The following ATXN1 variants were observed in gnomAD, a reference collection of about 807,000 sequenced individuals.
ATXN1 encodes the protein ataxin 1.
In ATXN1, 8 loss-of-function variants were observed where a neutral mutation model predicts 56.4. That is an observed-to-expected ratio of 0.14 (90% confidence interval 0.08 to 0.26). ATXN1 has a LOEUF of 0.26. ATXN1 is among the 10% of genes least tolerant of loss of function. ATXN1 has a pLI of 1.00. For synonymous variants in ATXN1, 514 were observed against 494.6 expected, an observed-to-expected ratio of 1.04 and a Z score of -0.52; for missense variants, 987 against 1,106.5, an observed-to-expected ratio of 0.89 and a Z score of 1.53.
intron 7 of ATXN1, among the ~76,000 whole-genome samples, chr6:16,319,291 G>C (rs1387603780): frequency 6.6e-6 from 1 of 152,118 alleles, no homozygotes; most frequent in East Asian, 1.9e-4. Context: ...AGAGCAACAA[G>C]AAGACATGGA....
intron 6 of ATXN1, among the ~76,000 whole-genome samples, chr6:16,343,610 C>T (rs1017762498): frequency 6.6e-6 from 1 of 152,188 alleles, no homozygotes; most frequent in South Asian, 2.1e-4. Flanking sequence ...ACTGCTCTAT[C>T]ATGTCATTGC....
At chr6:16,340,586 T>C (rs1314851456) in intron 6 of ATXN1, among the ~76,000 whole-genome samples, 1 of 152,204 alleles carries the variant, frequency 6.6e-6, no homozygotes, top group Non-Finnish European at 1.5e-5. Context: ...TGAGTCCTTT[T>C]ACTGAATTAT....
At chr6:16,490,148 A>C (rs1057246086) in intron 5 of ATXN1, among the ~76,000 whole-genome samples, 16 of 151,938 alleles carry the variant, frequency 1.1e-4, no homozygotes, top group African/African-American at 2.7e-4. Flanking sequence ...AAAAAAAAAA[A>C]AAACCAAAAA....
At position 16,691,684 on chromosome 6, in the gene ATXN1, A is replaced by C. The variant is rs546664843; in HGVS notation, c.-614-33783T>G. ...AGAAGATACTCTGAACAGATAAATA[A>C]GAAAAAAGCAAATGTAGTTGAAATA... is the stretch of plus-strand genomic sequence containing the variant. On this transcript the variant is annotated intron_variant, in intron 2 of 7. Coordinates refer to ENST00000436367, the MANE Select transcript of ATXN1 (RefSeq NM_001128164.2). 5.9e-5 allele frequency among the ~76,000 whole-genome samples: 9 copies of C among 152,356 alleles called. No individual in the cohort carries two copies. The East Asian group carries it at 1.5e-3, about 26-fold the overall frequency.
At chr6:16,417,751 T>A (rs1758943968) in intron 6 of ATXN1, among the ~76,000 whole-genome samples, 1 of 152,130 alleles carries the variant, frequency 6.6e-6, no homozygotes, top group Non-Finnish European at 1.5e-5. Context: ...ACTTTTTTTT[T>A]AATGGCCTAA....
At chr6:16,363,649 G>A (rs1032476818) in intron 6 of ATXN1, among the ~76,000 whole-genome samples, 8 of 152,182 alleles carry the variant, frequency 5.3e-5, no homozygotes, top group African/African-American at 1.9e-4. Flanking sequence ...GAGGGGGCAT[G>A]GCTCCCACCC....
chr6:16,442,540 T>C (rs1011568315), intron 6 of ATXN1, among the ~76,000 whole-genome samples: 1 of 151,988 alleles, frequency 6.6e-6, no homozygotes, highest in African/African-American at 2.4e-5. Context: ...CTCACTAACA[T>C]AGATGTTAAG....
chr6:16,345,389 TC>T (rs890240096), intron 6 of ATXN1, among the ~76,000 whole-genome samples: 5 of 152,198 alleles, frequency 3.3e-5, no homozygotes, highest in Admixed American at 3.3e-4. Flanking sequence ...AGGCTCAATC[TC>T]AAGGAAACAC....
chr6:16,549,774 G>A lies in ATXN1; in HGVS notation c.-360-27086C>T, dbSNP rs1459599555. 4.0e-5 allele frequency among the ~76,000 whole-genome samples: 6 copies of A among 151,608 alleles called. No individual in the cohort carries two copies. The South Asian group carries it at 1.0e-3, about 26-fold the overall frequency. The stretch of plus-strand genomic sequence containing the variant: ...TAGCAGGGCATGGAGGTGCATGCCC[G>A]TAATCCCAGCTACTCAGGAGGCTCA... On this transcript the variant is annotated intron_variant, in intron 4 of 7. Coordinates refer to ENST00000436367, the MANE Select transcript of ATXN1 (RefSeq NM_001128164.2).
rs1760903675 is a variant in ATXN1, at chr6:16,328,544, G to A, written c.-160-74C>T. On this transcript the variant is annotated intron_variant, in intron 6 of 7. Transcript: ENST00000436367. The surrounding 1 kb of genome is among the most constrained non-coding windows in gnomAD (Gnocchi z 6.2). The stretch of plus-strand genomic sequence containing the variant: ...AAAGGGAAGGAGGGAAAGGACATCA[G>A]AACATGAGCACCGGGGAAAGAACAT... The A allele has an allele frequency of 3.1e-6, 2 of 639,384 alleles. No individual in the cohort carries two copies. The highest frequency in any genetic ancestry group is 4.6e-6 in the Non-Finnish European group (2 of 437,430). 39.6% of individuals were successfully genotyped at this position (639,384 alleles called of 1,614,324 possible).
chr6:16,482,325 G>A (rs928800271), intron 6 of ATXN1, among the ~76,000 whole-genome samples: 1 of 152,186 alleles, frequency 6.6e-6, no homozygotes, highest in African/African-American at 2.4e-5. Context: ...ATGAGAATAA[G>A]GATAAGAATA....
chr6:16,727,464 T>C (rs1759874957), intron 2 of ATXN1, among the ~76,000 whole-genome samples: 1 of 152,006 alleles, frequency 6.6e-6, no homozygotes, highest in African/African-American at 2.4e-5. Flanking sequence ...AGAAAACAAG[T>C]CCAAATTACA....
chr6:16,593,983 T>C (rs192244048), intron 3 of ATXN1, among the ~76,000 whole-genome samples: 128 of 148,642 alleles, frequency 8.6e-4, no homozygotes, highest in Admixed American at 1.8e-3. Context: ...AATTATTATA[T>C]ATTAGACTAA....
At chr6:16,670,144 C>T (rs1225995745) in intron 2 of ATXN1, among the ~76,000 whole-genome samples, 2 of 152,164 alleles carry the variant, frequency 1.3e-5, no homozygotes, top group East Asian at 1.9e-4. Context: ...TCTGCCTTCC[C>T]CCTTATTCCA....
intron 6 of ATXN1, among the ~76,000 whole-genome samples, chr6:16,360,584 GAAGT>G (rs1761787858): frequency 1.3e-5 from 2 of 152,160 alleles, no homozygotes; most frequent in South Asian, 4.1e-4. Context: ...CAATTTAAGA[GAAGT>G]AAGCCTCTTG....
At position 16,327,563 on chromosome 6, in the gene ATXN1, T is replaced by C; in HGVS notation, c.748A>G (p.Ile250Val). ...CCGGTGTTCTGCGGAGAACTGGAAATGTGGACGTACTGGTTCTGCTGGGCT... is the reference window on the plus strand; with the variant it reads ...CCGGTGTTCTGCGGAGAACTGGAAACGTGGACGTACTGGTTCTGCTGGGCT... The part of the protein sequence containing the change: ...PPAQQNQYVH[I>V]SSSPQNTGRT... The change falls in exon 7 of 8, where the codon ATT becomes GTT. Residue 250 changes from isoleucine (I) to valine (V), a missense_variant. Ile to Val is a conservative substitution (Grantham distance 29, BLOSUM62 3). Around this residue, in one of 3 missense-constraint regions of ATXN1, gnomAD observed 723 missense variants for 791.7 expected, o/e 0.91. Transcript: ENST00000436367. 6.2e-7 allele frequency: 1 copy of C among 1,604,434 alleles called. No homozygotes were observed. The highest frequency in any genetic ancestry group is 8.5e-7 in the Non-Finnish European group (1 of 1,176,180).
At chr6:16,709,087 A>C (rs1759472087) in intron 2 of ATXN1, among the ~76,000 whole-genome samples, 1 of 152,008 alleles carries the variant, frequency 6.6e-6, no homozygotes, top group Non-Finnish European at 1.5e-5. Context: ...ATTAAATCCA[A>C]AGTAGGGAAA....
At chr6:16,681,220 G>A (rs1376622495) in intron 2 of ATXN1, among the ~76,000 whole-genome samples, 2 of 152,220 alleles carry the variant, frequency 1.3e-5, no homozygotes, top group Non-Finnish European at 2.9e-5. Flanking sequence ...CTGAGGACAA[G>A]GGAACAAGAA....
chr6:16,617,090 G>A (rs934433523), intron 3 of ATXN1, among the ~76,000 whole-genome samples: 2 of 152,074 alleles, frequency 1.3e-5, no homozygotes, highest in Non-Finnish European at 2.9e-5. Flanking sequence ...AATCCACCAG[G>A]GGTATGGAAC....
Sources: allele counts gnomAD v4.1 joint callset (sites outside exome capture counted in the v4.1 genomes callset), GRCh38; gene constraint gnomAD v4.1.1; regional missense constraint gnomAD v4.1.1; non-coding constraint Gnocchi (gnomAD v3.1); transcripts MANE v1.5; gene names NCBI Gene and HGNC (gene_info 2026-07-23, HGNC 2026-07-21).